FGF1: variants seen among roughly 807,000 people sequenced by gnomAD.
The protein encoded by FGF1 is fibroblast growth factor 1.
Under a neutral mutation model 13.4 loss-of-function variants are expected in FGF1, and 9 were observed. The observed-to-expected ratio is 0.67, with a 90% confidence interval of 0.40 to 1.17. The LOEUF is 1.17. FGF1 is among the 50% of genes most tolerant of loss of function. The pLI is 0.01. For missense variants in FGF1, 156 were observed against 192.7 expected (o/e 0.81, Z 1.13); for synonymous variants, 93 against 79.0 (o/e 1.18, Z -0.94).
At chr5:142,597,587 G>A (rs1314626610) in intron 3 of FGF1, among the ~76,000 whole-genome samples, 1 of 152,066 alleles carries the variant, frequency 6.6e-6, no homozygotes. Context: ...ATTACATTTG[G>A]GTCTAAAACA....
Position 142,594,430 on chromosome 5 carries a change from TCTC to T in FGF1, c.*857_*859del, listed in dbSNP as rs1382085368. ...TGTGTGGCATTACTTTCTTTTTCCT[TCTC>T]CTTCTGAAATCATCCTCTTTTTATG... On this transcript the variant is annotated 3_prime_UTR_variant, in exon 4 of 4. Transcript: ENST00000337706. The T allele has an allele frequency of 1.3e-5, 2 of 152,316 alleles. No homozygotes were observed. The highest frequency in any genetic ancestry group is 1.3e-4 in the Admixed American group (2 of 15,284). The allele number at this position is 152,316 out of a possible 1,614,324, so 9.4% of individuals were successfully genotyped here.
intron 2 of FGF1, among the ~76,000 whole-genome samples, chr5:142,611,999 C>T (rs868586960): frequency 9.9e-5 from 15 of 152,184 alleles, no homozygotes; most frequent in Admixed American, 4.6e-4. Flanking sequence ...TCTCATTTAA[C>T]CCTCCCAAGA....
intron 1 of FGF1, among the ~76,000 whole-genome samples, chr5:142,634,239 A>G (rs1031870639): frequency 2.0e-5 from 3 of 151,678 alleles, no homozygotes; most frequent in South Asian, 2.1e-4. Context: ...TCACCTCTCT[A>G]AAGTTTTATG....
intron 2 of FGF1, among the ~76,000 whole-genome samples, chr5:142,608,708 C>CATATAT (rs149917804): frequency 0.026 from 3,692 of 144,292 alleles, 126 homozygotes; most frequent in East Asian, 0.12. Context: ...GACTGAATGA[C>CATATAT]ATATATATAT....
At chr5:142,601,414 A>G (rs539560358) in intron 2 of FGF1, among the ~76,000 whole-genome samples, 54 of 152,288 alleles carry the variant, frequency 3.5e-4, no homozygotes, top group Non-Finnish European at 7.2e-4. Flanking sequence ...CTCCCTCACA[A>G]TGAAGTTTCC....
chr5:142,654,973 C>G (rs373664565), intron 1 of FGF1, among the ~76,000 whole-genome samples: 1 of 152,206 alleles, frequency 6.6e-6, no homozygotes. Flanking sequence ...CAAACAGGGC[C>G]GGGCCTCAGC....
chr5:142,669,961 C>T (rs1189424735), intron 1 of FGF1, among the ~76,000 whole-genome samples: 1 of 152,138 alleles, frequency 6.6e-6, no homozygotes, highest in Admixed American at 6.5e-5. Flanking sequence ...TACAGGATCA[C>T]AGCCTTCAAG....
chr5:142,600,981 A>C, intron 2 of FGF1, 176 bp from the exon 3 acceptor site: 1 of 632,658 alleles, frequency 1.6e-6, no homozygotes, highest in Admixed American at 2.3e-5. Flanking sequence ...TTTGCCTTCC[A>C]AAGAAAGCTG....
intron 1 of FGF1, among the ~76,000 whole-genome samples, chr5:142,652,820 G>A (rs1767493143): frequency 6.6e-6 from 1 of 152,222 alleles, no homozygotes. Context: ...CCAGGCCCCG[G>A]GCGGGCAGGC....
intron 3 of FGF1, among the ~76,000 whole-genome samples, chr5:142,597,388 A>C (rs17223877): frequency 2.0e-5 from 3 of 152,204 alleles, no homozygotes; most frequent in African/African-American, 2.4e-5. Context: ...GGGTAAAAGA[A>C]TATCCGTACA....
chr5:142,608,195 G>C (rs950710195), intron 2 of FGF1, among the ~76,000 whole-genome samples: 1 of 152,078 alleles, frequency 6.6e-6, no homozygotes, highest in Non-Finnish European at 1.5e-5. Context: ...AAAATGCCTG[G>C]AGAGAGAGGT....
intron 1 of FGF1, among the ~76,000 whole-genome samples, chr5:142,619,272 T>C (rs1257978967): frequency 2.0e-5 from 3 of 152,162 alleles, no homozygotes; most frequent in African/African-American, 4.8e-5. Flanking sequence ...GTGTAAGCAA[T>C]GTGGAATACC....
At chr5:142,601,953 C>T (rs924429194) in intron 2 of FGF1, among the ~76,000 whole-genome samples, 5 of 152,156 alleles carry the variant, frequency 3.3e-5, no homozygotes, top group South Asian at 2.1e-4. Flanking sequence ...CTAGACTCTT[C>T]GGGATAATTT....
At chr5:142,623,322 T>C (rs1250845890) in intron 1 of FGF1, among the ~76,000 whole-genome samples, 1 of 151,522 alleles carries the variant, frequency 6.6e-6, no homozygotes, top group Non-Finnish European at 1.5e-5. Context: ...AGCTTGACTA[T>C]CACCAGCTGT....
intron 1 of FGF1, among the ~76,000 whole-genome samples, chr5:142,676,344 C>A (rs7723034): frequency 0.33 from 49,471 of 152,080 alleles, 8,645 homozygotes; most frequent in African/African-American, 0.46. Flanking sequence ...GGATTCTCTC[C>A]CTACATTCTT....
At chr5:142,650,690 A>ACT (rs1335385903) in intron 1 of FGF1, among the ~76,000 whole-genome samples, 1 of 151,926 alleles carries the variant, frequency 6.6e-6, no homozygotes, top group East Asian at 1.9e-4. Flanking sequence ...ACACACACAC[A>ACT]CTATGTATAC....
intron 1 of FGF1, among the ~76,000 whole-genome samples, chr5:142,629,877 T>TTTTA (rs1554082566): frequency 4.4e-5 from 6 of 137,580 alleles, no homozygotes; most frequent in African/African-American, 1.6e-4. Flanking sequence ...TACATATATA[T>TTTTA]TATATATATA....
In FGF1 at chr5:142,649,938, A is replaced by G. The variant is rs78804009; in HGVS notation, c.-34-35777T>C. On this transcript the variant is annotated intron_variant, in intron 1 of 3. Transcript: ENST00000337706. Reference sequence around the variant, plus strand: ...GGAACAACAAAATCAGAATTACATGAGACATTTGATCACATCTTGGCCTTT... The same window carrying G: ...GGAACAACAAAATCAGAATTACATGGGACATTTGATCACATCTTGGCCTTT... Among the ~76,000 whole-genome samples the G allele has an allele frequency of 6.1e-3, 926 of 152,334 alleles. 10 individuals carry two copies. Among genetic ancestry groups the G allele is most frequent in the African/African-American group, 0.021 (853 of 41,574 alleles).
chr5:142,691,945 G>A (rs574688382), intron 2 of FGF1, among the ~76,000 whole-genome samples: 1 of 152,248 alleles, frequency 6.6e-6, no homozygotes, highest in East Asian at 1.9e-4. Flanking sequence ...TGTGAACCTT[G>A]CCTCCTCAAA....
Sources: gnomAD v4.1 joint callset for allele counts (sites outside exome capture counted in the v4.1 genomes callset) on GRCh38, gnomAD v4.1.1 for gene constraint, MANE v1.5 for transcripts, NCBI Gene and HGNC (gene_info 2026-07-23, HGNC 2026-07-21) for gene names.